Variants in TMEM94 observed in about 807,000 individuals in gnomAD.
The protein encoded by TMEM94 is transmembrane protein 94.
Under a neutral mutation model 158.6 loss-of-function variants are expected in TMEM94, and 81 were observed. That is an observed-to-expected ratio of 0.51 (90% CI 0.43 to 0.61). The LOEUF is 0.61. TMEM94 is among the 20% of genes least tolerant of loss of function. The pLI, the probability that TMEM94 is intolerant of heterozygous loss-of-function variation, is 0.00. For synonymous variants in TMEM94, 751 were observed against 730.7 expected (o/e 1.03, Z -0.45); for missense variants, 1,435 against 1,762.0 (o/e 0.81, Z 3.32).
At chr17:75,472,964 C>T (rs1166719705) in intron 2 of TMEM94, among the ~76,000 whole-genome samples, 1 of 152,210 alleles carries the variant, frequency 6.6e-6, no homozygotes, top group Admixed American at 6.5e-5. Flanking sequence ...ATTGTACTCG[C>T]TATTCTATTG....
At chr17:75,472,281 G>T (rs1408643631) in intron 2 of TMEM94, among the ~76,000 whole-genome samples, 2 of 152,216 alleles carry the variant, frequency 1.3e-5, no homozygotes, top group Non-Finnish European at 2.9e-5. Context: ...CATGCTGAGG[G>T]CTATTGGGCA....
chr17:75,457,023 A>G (rs575323185), intron 1 of TMEM94, among the ~76,000 whole-genome samples: 4 of 152,246 alleles, frequency 2.6e-5, no homozygotes, highest in Admixed American at 2.0e-4. Flanking sequence ...GCCTCTCGCC[A>G]ACAAAGAATC....
In TMEM94 at chr17:75,485,696, C is replaced by T. The variant is rs2051533881; in HGVS notation, c.144+149C>T. ...AAATATCAGAAAGAAGCCAAGGTTC[C>T]CCTCAGAGTGGCTCCTGAGCCTGCT... is the stretch of plus-strand genomic sequence containing the variant. On this transcript the variant is annotated intron_variant, in intron 3 of 31. Transcript: ENST00000314256. This position sits in a 1 kb window ranked among gnomAD's most constrained non-coding sequence, Gnocchi z 5.5. 1.5e-6 allele frequency: 2 copies of T among 1,347,686 alleles called. No homozygotes were observed. Among genetic ancestry groups the T allele is most frequent in the South Asian group, 2.8e-5 (2 of 72,108 alleles). The allele number at this position is 1,347,686 out of a possible 1,614,324, so 83.5% of individuals were successfully genotyped here. A position where few individuals can be genotyped will look rare whatever the true frequency, so the allele number is the denominator to read the frequency against.
In TMEM94 at chr17:75,492,848, T is replaced by G; in HGVS notation, c.1912+59T>G. On this transcript the variant is annotated intron_variant, in intron 15 of 31. Coordinates refer to ENST00000314256, the MANE Select transcript of TMEM94 (RefSeq NM_014738.6). The surrounding 1 kb of genome is among the most constrained non-coding windows in gnomAD (Gnocchi z 4.4). ...GACCCGCCTCCTAGAAGAGGCCCAG[T>G]ACCAACTCCTCACGGGACTTAATGG... is the stretch of plus-strand genomic sequence containing the variant. 6.3e-7 allele frequency: 1 copy of G among 1,583,712 alleles called. No homozygotes were observed. Among genetic ancestry groups the G allele is most frequent in the Non-Finnish European group, 8.6e-7 (1 of 1,164,272 alleles).
intron 1 of TMEM94, among the ~76,000 whole-genome samples, chr17:75,469,889 A>G (rs746380603): frequency 1.3e-5 from 2 of 151,964 alleles, no homozygotes; most frequent in South Asian, 2.1e-4. Flanking sequence ...CCTGACCAAC[A>G]TGGTGAAACC....
intron 1 of TMEM94, among the ~76,000 whole-genome samples, chr17:75,470,067 C>G (rs2050441466): frequency 6.6e-6 from 1 of 152,048 alleles, no homozygotes; most frequent in Non-Finnish European, 1.5e-5. Context: ...GAGTGAAACT[C>G]CGTCTCAAAC....
intron 2 of TMEM94, among the ~76,000 whole-genome samples, chr17:75,480,409 C>T (rs1446054844): frequency 6.6e-6 from 1 of 152,274 alleles, no homozygotes; most frequent in Non-Finnish European, 1.5e-5. Context: ...GACAGCTCTG[C>T]AGGCGCCCTG....
At chr17:75,470,566 G>A (rs1414435319) in intron 1 of TMEM94, among the ~76,000 whole-genome samples, 5 of 152,026 alleles carry the variant, frequency 3.3e-5, no homozygotes, top group Non-Finnish European at 7.4e-5. Context: ...TTAGCCGGGC[G>A]TGGTGGCGGG....
intron 19 of TMEM94, 30 bp downstream of exon 19, chr17:75,494,838 T>A: frequency 1.2e-6 from 2 of 1,612,970 alleles, no homozygotes; most frequent in Non-Finnish European, 1.7e-6. Flanking sequence ...CTGCCACCAC[T>A]AACTCTGTTT....
In TMEM94 at chr17:75,498,882, G is replaced by A. The variant is rs9894026; in HGVS notation, c.3828-30G>A. 1,341,515 of 1,529,086 alleles carry A rather than the reference G, an allele frequency of 0.88. 594,442 individuals carry two copies. Among genetic ancestry groups the A allele is most frequent in the Non-Finnish European group, 0.9 (1,028,956 of 1,138,738 alleles). The allele number at this position is 1,529,086 out of a possible 1,614,324, so 94.7% of individuals were successfully genotyped here. ...AGCAGGGAAGGAAGCAAGCAGTGTC[G>A]GGTTCACACGGGGCCGCCACCTCCT... is the stretch of plus-strand genomic sequence containing the variant. On this transcript the variant is annotated intron_variant, in intron 30 of 31. Transcript: ENST00000314256. This position sits in a 1 kb window ranked among gnomAD's most constrained non-coding sequence, Gnocchi z 6.7.
In TMEM94 at chr17:75,497,129, T is replaced by TCCAGCTGC; in HGVS notation, c.3340_3347dup (p.Pro1117SerfsTer6). The TCCAGCTGC allele has an allele frequency of 6.2e-7, 1 of 1,614,140 alleles. No homozygotes were observed. Among genetic ancestry groups the TCCAGCTGC allele is most frequent in the Non-Finnish European group, 8.5e-7 (1 of 1,179,996 alleles). On this transcript the variant is annotated frameshift_variant, in exon 26 of 32. Transcript: ENST00000314256. LOFTEE classifies it high-confidence loss of function. ...CTGGTCTAGTTCCTTTCTTGCCTGG[T>TCCAGCTGC]CCAGCTGCCGCCACTCCTGAGTACC...
Position 75,495,270 on chromosome 17 carries a change from T to A in TMEM94, c.2729-14T>A, listed in dbSNP as rs1390712884. ...GCTGGTCCCAAGGTGAGGGAGAGGC[T>A]TTTGTCCCCACAGTGTCCCGAGATG... On this transcript the variant is annotated splice_polypyrimidine_tract_variant and intron_variant, in intron 20 of 31. Transcript: ENST00000314256. The surrounding 1 kb of genome is among the most constrained non-coding windows in gnomAD (Gnocchi z 5.6). 2 of 1,582,386 alleles carry A rather than the reference T, an allele frequency of 1.3e-6. No individual in the cohort carries two copies. The highest frequency in any genetic ancestry group is 2.3e-5 in the East Asian group (1 of 44,420).
At chr17:75,486,151 G>A in intron 4 of TMEM94, 139 bp from the exon 5 acceptor site, 3 of 1,458,836 alleles carry the variant, frequency 2.1e-6, no homozygotes, top group Non-Finnish European at 2.8e-6. Context: ...GGGGTCAGAG[G>A]CCTAGCTGGT....
At position 75,492,962 on chromosome 17, in the gene TMEM94, A is replaced by G; in HGVS notation, c.1946A>G (p.Gln649Arg). ...CCTGGGGCCAAGGAGCTTTTCAAGC[A>G]GGAGAACCATCTGGCGCTGTACCGC... ...FTPGAKELFK[Q>R]ENHLALYRLP... Residue 649 changes from glutamine to arginine, a missense_variant, in exon 16 of 32, where the codon CAG becomes CGG. Gln to Arg is a conservative substitution (Grantham distance 43, BLOSUM62 1). This residue lies in a region of TMEM94 where 1,051 missense variants were observed against 1,254.4 expected (regional missense o/e 0.84). Coordinates refer to ENST00000314256, the MANE Select transcript of TMEM94 (RefSeq NM_014738.6). This position sits in a 1 kb window ranked among gnomAD's most constrained non-coding sequence, Gnocchi z 4.4. The G allele has an allele frequency of 6.2e-7, 1 of 1,613,576 alleles. No individual in the cohort carries two copies. The highest frequency in any genetic ancestry group is 1.3e-5 in the African/African-American group (1 of 75,060).
chr17:75,461,832 C>T (rs1438183693), intron 1 of TMEM94, among the ~76,000 whole-genome samples: 19 of 149,644 alleles, frequency 1.3e-4, no homozygotes, highest in African/African-American at 3.7e-4. Flanking sequence ...GAGAATGGCG[C>T]GAACCCGGGA....
intron 1 of TMEM94, among the ~76,000 whole-genome samples, chr17:75,470,776 G>A (rs927131990): frequency 5.3e-5 from 8 of 150,440 alleles, no homozygotes; most frequent in African/African-American, 1.5e-4. Context: ...AAAATTAGCC[G>A]GGGATGCTGG....
Position 75,492,010 on chromosome 17 carries a change from C to G in TMEM94, c.1596+110C>G. On this transcript the variant is annotated intron_variant, in intron 14 of 31. Transcript: ENST00000314256. This position sits in a 1 kb window ranked among gnomAD's most constrained non-coding sequence, Gnocchi z 4.4. ...CTGAAAGAGCAGGCGTCTCTGCCCT[C>G]TGTCCCAGCACCTCCAGGCTAGGCC... 8.7e-7 allele frequency: 1 copy of G among 1,143,998 alleles called. No homozygotes were observed. Among genetic ancestry groups the G allele is most frequent in the South Asian group, 1.5e-5 (1 of 68,052 alleles). The allele number at this position is 1,143,998 out of a possible 1,614,324, so 70.9% of individuals were successfully genotyped here.
In TMEM94 at chr17:75,493,876, C is replaced by T; in HGVS notation, c.2367C>T (p.Pro789=). The change falls in exon 18 of 32, where the codon CCC becomes CCT. Residue 789 remains proline, a synonymous_variant. Coordinates refer to ENST00000314256, the MANE Select transcript of TMEM94 (RefSeq NM_014738.6). ...TGTGCGAGCTGCCCAGCACCATCCC[C>T]ATCAAGCAGAACGCCCGCCGCAGCA... ...FTMCELPSTI[P]IKQNARRSSW... 1 of 1,612,470 alleles carries T rather than the reference C, an allele frequency of 6.2e-7. No homozygotes were observed. The highest frequency in any genetic ancestry group is 8.5e-7 in the Non-Finnish European group (1 of 1,179,990).
Position 75,485,669 on chromosome 17 carries a change from T to C in TMEM94, c.144+122T>C. 7.0e-7 allele frequency: 1 copy of C among 1,433,660 alleles called. No homozygotes were observed. The highest frequency in any genetic ancestry group is 2.3e-5 in the East Asian group (1 of 43,354). The allele number at this position is 1,433,660 out of a possible 1,614,324, so 88.8% of individuals were successfully genotyped here. On this transcript the variant is annotated intron_variant, in intron 3 of 31. Transcript: ENST00000314256. This position sits in a 1 kb window ranked among gnomAD's most constrained non-coding sequence, Gnocchi z 5.5. Reference sequence around the variant, plus strand: ...ACAGTGTGACCCAACTGAGGCCTCATGAAATATCAGAAAGAAGCCAAGGTT... The same window carrying C: ...ACAGTGTGACCCAACTGAGGCCTCACGAAATATCAGAAAGAAGCCAAGGTT...
Sources: allele counts gnomAD v4.1 joint callset (sites outside exome capture counted in the v4.1 genomes callset), GRCh38; gene constraint gnomAD v4.1.1; regional missense constraint gnomAD v4.1.1; non-coding constraint Gnocchi (gnomAD v3.1); transcripts MANE v1.5; gene names NCBI Gene and HGNC (gene_info 2026-07-23, HGNC 2026-07-21).